Variants in FAM217B observed in about 807,000 individuals in gnomAD.
The protein encoded by FAM217B is family with sequence similarity 217 member B.
For synonymous variants in FAM217B, 163 were observed against 173.0 expected (o/e 0.94, Z 0.45); for missense variants, 463 against 456.9 (o/e 1.01, Z -0.12).
upstream of FAM217B, among the ~76,000 whole-genome samples, chr20:59,936,305 T>TA (rs1243498225): frequency 1.3e-5 from 2 of 152,222 alleles, no homozygotes; most frequent in African/African-American, 4.8e-5. Context: ...GAGCTTTATT[T>TA]TCAGCTAAGA....
chr20:59,939,081 A>G, upstream of FAM217B: 2 of 1,584,738 alleles, frequency 1.3e-6, no homozygotes, highest in Non-Finnish European at 1.7e-6. Context: ...AGGCATGTGC[A>G]GCGCGTGGTT....
chr20:59,939,977 T>A, upstream of FAM217B: 1 of 1,244,118 alleles, frequency 8.0e-7, no homozygotes, highest in Non-Finnish European at 1.0e-6. Context: ...AGAGACGACC[T>A]CCCGACCCCG....
upstream of FAM217B, chr20:59,939,839 G>A (rs1022486642): frequency 8.9e-6 from 11 of 1,241,660 alleles, no homozygotes; most frequent in African/African-American, 1.6e-4. Flanking sequence ...CCACGCCGCC[G>A]TCCAGGTCCG....
upstream of FAM217B, chr20:59,939,449 C>T (rs1350331661): frequency 1.2e-6 from 2 of 1,611,580 alleles, no homozygotes; most frequent in African/African-American, 2.7e-5. Context: ...CCTCGACGGG[C>T]GGCGGGAAAT....
chr20:59,936,465 G>A (rs1214407088), upstream of FAM217B, among the ~76,000 whole-genome samples: 1 of 152,216 alleles, frequency 6.6e-6, no homozygotes, highest in Non-Finnish European at 1.5e-5. Flanking sequence ...GTACTTAGGT[G>A]AGGGTCACGA....
chr20:59,936,607 T>C (rs1044349323), upstream of FAM217B: 11 of 152,228 alleles, frequency 7.2e-5, no homozygotes, highest in African/African-American at 2.7e-4. Flanking sequence ...TGACCTGGCA[T>C]ATAAAATTGC....
rs1234921890 is a variant in FAM217B at position 59,944,679 on chromosome 20, C to T, written c.736C>T (p.Pro246Ser). The T allele has an allele frequency of 1.9e-6, 3 of 1,614,090 alleles. No individual in the cohort carries two copies. The highest frequency in any genetic ancestry group is 2.5e-6 in the Non-Finnish European group (3 of 1,180,018). The stretch of plus-strand genomic sequence containing the variant: ...CCAGGAAGGGGCTTCAAAGTCAGGC[C>T]CTTCCCGAAAGAAAGCTTTTCACCA... ...PHQEGASKSG[P>S]SRKKAFHHEE... The change falls in exon 4 of 4, where the codon CCT (proline) becomes TCT (serine). Residue 246 changes from proline (P) to serine (S), a missense_variant. Transcript: ENST00000360816.
In FAM217B at chr20:59,944,220, A is replaced by G; in HGVS notation, c.277A>G (p.Ser93Gly). 6.2e-7 allele frequency: 1 copy of G among 1,614,222 alleles called. No homozygotes were observed. Among genetic ancestry groups the G allele is most frequent in the Admixed American group, 1.7e-5 (1 of 60,028 alleles). Reference protein sequence around the residue: ...KIIKENADEDSASDLSDSERI... With the variant: ...KIIKENADEDGASDLSDSERI... ...TATTAAAGAGAATGCTGATGAGGAC[A>G]GTGCAAGTGATCTCTCTGATTCGGA... The change falls in exon 4 of 4, where the codon AGT becomes GGT. Residue 93 changes from serine to glycine, a missense_variant. Ser to Gly is a moderately conservative substitution (Grantham distance 56, BLOSUM62 0). Transcript: ENST00000360816.
chr20:59,945,148 C>T lies in FAM217B; in HGVS notation c.*53C>T, dbSNP rs751442566. The T allele has an allele frequency of 1.5e-4, 209 of 1,399,898 alleles. No individual in the cohort carries two copies. Among genetic ancestry groups the T allele is most frequent in the Non-Finnish European group, 1.9e-4 (195 of 1,049,634 alleles). The allele number at this position is 1,399,898 out of a possible 1,614,324, so 86.7% of individuals were successfully genotyped here. ...CTGCAGGTACCTCAATGTTAGAGCG[C>T]TTCCAAAAGTCAAAATACTGTGAAT... On this transcript the variant is annotated 3_prime_UTR_variant, in exon 4 of 4. Coordinates refer to ENST00000360816, the MANE Select transcript of FAM217B (RefSeq NM_022106.3).
intron 1 of FAM217B, among the ~76,000 whole-genome samples, chr20:59,941,167 G>A (rs2060902754): frequency 6.6e-6 from 1 of 152,220 alleles, no homozygotes; most frequent in Non-Finnish European, 1.5e-5. Flanking sequence ...CATACCAGGT[G>A]AAATGAAGTA....
rs1463780196 is a variant in FAM217B at position 59,948,055 on chromosome 20, GA to G, written c.*2965del. On this transcript the variant is annotated 3_prime_UTR_variant, in exon 4 of 4. Coordinates refer to ENST00000360816, the MANE Select transcript of FAM217B (RefSeq NM_022106.3). ...GTTTCTTTAAAAAAAAAAAGAAAAA[GA>G]AAAAGAAAAAGAAAAATATTTTAGG... 6.8e-6 allele frequency: 1 copy of G among 147,844 alleles called. No individual in the cohort carries two copies. Among genetic ancestry groups the G allele is most frequent in the African/African-American group, 2.6e-5 (1 of 38,236 alleles). The allele number at this position is 147,844 out of a possible 1,614,324, so 9.2% of individuals were successfully genotyped here.
chr20:59,938,294 A>T (rs568605770), upstream of FAM217B: 8 of 152,418 alleles, frequency 5.2e-5, no homozygotes, highest in African/African-American at 1.9e-4. Context: ...CTGTTTTGCT[A>T]GTTTAAAAGT....
At chr20:59,939,892 G>T, upstream of FAM217B, 1 of 1,254,160 alleles carries the variant, frequency 8.0e-7, no homozygotes, top group South Asian at 3.8e-5. Flanking sequence ...CGGGATCCCA[G>T]GGCGCTAGGC....
Position 59,948,442 on chromosome 20 carries a change from A to G in FAM217B, c.*3347A>G, listed in dbSNP as rs531402115. 1 of 167,148 alleles carries G rather than the reference A, an allele frequency of 6.0e-6. No individual in the cohort carries two copies. Among genetic ancestry groups the G allele is most frequent in the Non-Finnish European group, 1.5e-5 (1 of 68,100 alleles). The allele number at this position is 167,148 out of a possible 1,614,324, so 10.4% of individuals were successfully genotyped here. A position where few individuals can be genotyped will look rare whatever the true frequency, so the allele number is the denominator to read the frequency against. On this transcript the variant is annotated 3_prime_UTR_variant, in exon 4 of 4. Coordinates refer to ENST00000360816, the MANE Select transcript of FAM217B (RefSeq NM_022106.3). ...TTATGCTCACTTATGGAGTAGTTAC[A>G]TAGAAATATAACTCTTGGTGGTACT... is the stretch of plus-strand genomic sequence containing the variant.
At chr20:59,941,226 C>A (rs2060903227) in intron 1 of FAM217B, among the ~76,000 whole-genome samples, 1 of 152,140 alleles carries the variant, frequency 6.6e-6, no homozygotes, top group African/African-American at 2.4e-5. Context: ...GCCAGCCATT[C>A]CATTAAGAAG....
rs1601047700 is a variant in FAM217B at position 59,944,218 on chromosome 20, A to G, written c.275A>G (p.Asp92Gly). The G allele has an allele frequency of 3.7e-6, 6 of 1,614,214 alleles. No homozygotes were observed. In the East Asian group the frequency reaches 1.3e-4, roughly 36 times the overall value. The change falls in exon 4 of 4, where the codon GAC (aspartate) becomes GGC (glycine). Residue 92 changes from aspartate (D) to glycine (G), a missense_variant. Coordinates refer to ENST00000360816, the MANE Select transcript of FAM217B (RefSeq NM_022106.3). Reference protein sequence around the residue: ...MKIIKENADEDSASDLSDSER... With the variant: ...MKIIKENADEGSASDLSDSER... Reference sequence around the variant, plus strand: ...ATTATTAAAGAGAATGCTGATGAGGACAGTGCAAGTGATCTCTCTGATTCG... The same window carrying G: ...ATTATTAAAGAGAATGCTGATGAGGGCAGTGCAAGTGATCTCTCTGATTCG...
chr20:59,934,056 A>G (rs973397790), intron 1 of FAM217B, among the ~76,000 whole-genome samples: 13 of 152,026 alleles, frequency 8.6e-5, no homozygotes, highest in African/African-American at 2.2e-4. Context: ...TCCCCGCGCT[A>G]TGCGTCCCCA....
chr20:59,938,848 G>A, upstream of FAM217B: 1 of 497,924 alleles, frequency 2.0e-6, no homozygotes, highest in Admixed American at 4.2e-5. Flanking sequence ...TTTAGACCAA[G>A]TGACTCAGAC....
upstream of FAM217B, among the ~76,000 whole-genome samples, chr20:59,936,338 G>T (rs1454869705): frequency 6.6e-6 from 1 of 152,206 alleles, no homozygotes; most frequent in African/African-American, 2.4e-5. Flanking sequence ...TGTCTACCAG[G>T]TAGCATAACA....
Sources: allele counts gnomAD v4.1 joint callset (sites outside exome capture counted in the v4.1 genomes callset), GRCh38; gene constraint gnomAD v4.1.1; transcripts MANE v1.5; gene names NCBI Gene and HGNC (gene_info 2026-07-23, HGNC 2026-07-21).